Variants in POU2F3 observed in about 807,000 individuals in gnomAD.
POU2F3 encodes POU domain, class 2, transcription factor 3.
A neutral mutation model predicts 59.2 loss-of-function variants in POU2F3; 23 were observed. The ratio of observed to expected loss-of-function variants is 0.39; its 90% CI spans 0.28 to 0.55. The LOEUF (loss-of-function observed/expected upper bound fraction) is 0.55. Among genes scored for constraint, POU2F3 ranks in the 20% least tolerant of loss-of-function variants. POU2F3 has a pLI of 0.66. For synonymous variants in POU2F3, 190 were observed against 214.6 expected (o/e 0.89, Z 1.00); for missense variants, 473 against 544.5 (o/e 0.87, Z 1.31).
chr11:120,279,283 C>T (rs545906459), intron 3 of POU2F3, among the ~76,000 whole-genome samples: 1 of 152,186 alleles, frequency 6.6e-6, no homozygotes, highest in East Asian at 1.9e-4. Context: ...CCTCTGATTC[C>T]TCATGTGAAG....
At chr11:120,309,341 G>A (rs1941591009) in intron 9 of POU2F3, 84 bp from the exon 10 acceptor site, 4 of 1,396,776 alleles carry the variant, frequency 2.9e-6, no homozygotes, top group South Asian at 2.5e-5. Context: ...TCCATGTATA[G>A]TTGTATCCTG....
At chr11:120,270,326 A>G (rs1940006287) in intron 3 of POU2F3, among the ~76,000 whole-genome samples, 1 of 152,198 alleles carries the variant, frequency 6.6e-6, no homozygotes, top group South Asian at 2.1e-4. Context: ...GGAGAGGGAC[A>G]GACTTACTCT....
In POU2F3 at chr11:120,318,478, C is replaced by T; in HGVS notation, c.*86C>T. On this transcript the variant is annotated 3_prime_UTR_variant, in exon 13 of 13. Transcript: ENST00000543440. ...TGCCTTCTATATACAGACAGATTGCCTTCAGAAGAGTGGAAGAAAATCTCC... is the reference window on the plus strand; with the variant it reads ...TGCCTTCTATATACAGACAGATTGCTTTCAGAAGAGTGGAAGAAAATCTCC... The T allele has an allele frequency of 7.3e-7, 1 of 1,366,160 alleles. No homozygotes were observed. Among genetic ancestry groups the T allele is most frequent in the Non-Finnish European group, 1.0e-6 (1 of 961,202 alleles). The allele number at this position is 1,366,160 out of a possible 1,614,324, so 84.6% of individuals were successfully genotyped here.
intron 3 of POU2F3, among the ~76,000 whole-genome samples, chr11:120,275,472 G>A (rs183841235): frequency 6.6e-5 from 10 of 152,256 alleles, no homozygotes; most frequent in African/African-American, 1.2e-4. Context: ...GGGGCTTGGG[G>A]GTTCCAAAAT....
intron 10 of POU2F3, among the ~76,000 whole-genome samples, chr11:120,311,923 C>T (rs1201860160): frequency 1.3e-5 from 2 of 152,052 alleles, no homozygotes; most frequent in Admixed American, 1.3e-4. Context: ...ACTACAACCA[C>T]GTAGATGTGC....
At chr11:120,243,867 T>G (rs1026221819) in intron 1 of POU2F3, among the ~76,000 whole-genome samples, 1 of 152,098 alleles carries the variant, frequency 6.6e-6, no homozygotes, top group African/African-American at 2.4e-5. Flanking sequence ...ATACATCAAA[T>G]GAGTAGACAA....
upstream of POU2F3, among the ~76,000 whole-genome samples, chr11:120,239,848 A>G (rs1009765723): frequency 6.6e-6 from 1 of 152,200 alleles, no homozygotes; most frequent in African/African-American, 2.4e-5. Context: ...TCTGTCCAGA[A>G]GGAAGCTCGG....
intron 3 of POU2F3, among the ~76,000 whole-genome samples, chr11:120,295,398 T>C (rs1455444386): frequency 6.6e-6 from 1 of 152,218 alleles, no homozygotes; most frequent in Non-Finnish European, 1.5e-5. Flanking sequence ...CCTCCAGTGC[T>C]CCACGTTCTC....
intron 1 of POU2F3, among the ~76,000 whole-genome samples, chr11:120,243,353 C>G (rs1002825386): frequency 5.3e-5 from 8 of 152,086 alleles, no homozygotes; most frequent in African/African-American, 1.7e-4. Context: ...GGACCCTCAG[C>G]CTGCAGCCTG....
intron 3 of POU2F3, among the ~76,000 whole-genome samples, chr11:120,282,890 G>C (rs1290481466): frequency 1.3e-5 from 2 of 152,166 alleles, no homozygotes; most frequent in Non-Finnish European, 2.9e-5. Flanking sequence ...TTTCATCTGA[G>C]GGCTTGGAAG....
chr11:120,274,029 AAAAAG>A lies in POU2F3; in HGVS notation c.132+4787_132+4791del, dbSNP rs1345388149. Among the ~76,000 whole-genome samples, 10 of 151,946 alleles carry A rather than the reference AAAAAG, an allele frequency of 6.6e-5. No homozygotes were observed. In the East Asian group the frequency reaches 1.9e-3, roughly 29 times the overall value. On this transcript the variant is annotated intron_variant, in intron 3 of 12. Coordinates refer to ENST00000543440, the MANE Select transcript of POU2F3 (RefSeq NM_014352.4). ...CGAGACTCTGTCTCAAAAAAAGAAA[AAAAAG>A]AGAGAGAGAGAAAGGAAAGAAAGAA... is the stretch of plus-strand genomic sequence containing the variant.
chr11:120,257,089 C>G (rs553907158), intron 2 of POU2F3: 2 of 152,252 alleles, frequency 1.3e-5, no homozygotes, highest in East Asian at 3.9e-4. Context: ...AAGCTTGGTG[C>G]GTAGTAAATG....
At chr11:120,255,342 A>G (rs1939291015) in intron 2 of POU2F3, among the ~76,000 whole-genome samples, 1 of 152,052 alleles carries the variant, frequency 6.6e-6, no homozygotes, top group East Asian at 1.9e-4. Flanking sequence ...GGCTGGAAAA[A>G]GGAACGAAAA....
At chr11:120,279,379 G>A (rs1484288336) in intron 3 of POU2F3, among the ~76,000 whole-genome samples, 4 of 151,994 alleles carry the variant, frequency 2.6e-5, no homozygotes, top group Non-Finnish European at 4.4e-5. Context: ...AATAATGTCT[G>A]GTATACAATA....
intron 10 of POU2F3, among the ~76,000 whole-genome samples, chr11:120,309,948 C>G (rs717051): frequency 6.6e-6 from 1 of 151,860 alleles, no homozygotes; most frequent in East Asian, 1.9e-4. Flanking sequence ...GGGGACAGAA[C>G]GAGAAAGGGG....
intron 3 of POU2F3, among the ~76,000 whole-genome samples, chr11:120,275,697 C>T (rs1940289200): frequency 6.6e-6 from 1 of 152,126 alleles, no homozygotes; most frequent in African/African-American, 2.4e-5. Context: ...ACGTTTCCTG[C>T]CCCAAAAGCT....
chr11:120,288,067 G>A (rs1482313556), intron 3 of POU2F3, among the ~76,000 whole-genome samples: 3 of 139,264 alleles, frequency 2.2e-5, no homozygotes, highest in Admixed American at 7.8e-5. Context: ...AAAAAAACTG[G>A]GAAAAGCAGA....
intron 3 of POU2F3, among the ~76,000 whole-genome samples, chr11:120,275,721 C>T (rs1403824015): frequency 4.6e-5 from 7 of 152,162 alleles, no homozygotes; most frequent in Non-Finnish European, 1.0e-4. Context: ...AATCAGTGGC[C>T]TGGGGTTTCC....
intron 3 of POU2F3, among the ~76,000 whole-genome samples, chr11:120,271,350 T>C (rs1940062406): frequency 6.6e-6 from 1 of 152,192 alleles, no homozygotes; most frequent in Admixed American, 6.5e-5. Flanking sequence ...TCAGAGATAG[T>C]TTGGCCAGGT....
Sources: gnomAD v4.1 joint callset for allele counts (sites outside exome capture counted in the v4.1 genomes callset) on GRCh38, gnomAD v4.1.1 for gene constraint, MANE v1.5 for transcripts, NCBI Gene and HGNC (gene_info 2026-07-23, HGNC 2026-07-21) for gene names.